Variants in DST observed in about 807,000 individuals in gnomAD.
DST encodes the protein dystonin.
A neutral mutation model predicts 875.2 loss-of-function variants in DST; 253 were observed. That is an observed-to-expected ratio of 0.29 (90% CI 0.26 to 0.32). The LOEUF is 0.32. DST is among the 10% of genes least tolerant of loss of function. DST has a pLI of 1.00. For synonymous variants in DST, 3,124 were observed against 3,197.1 expected, an observed-to-expected ratio of 0.98 and a Z score of 0.77; for missense variants, 8,287 against 9,111.6, an observed-to-expected ratio of 0.91 and a Z score of 3.68.
intron 9 of DST, chr6:56,692,238 C>T (rs1380090774): frequency 5.7e-6 from 2 of 353,370 alleles, no homozygotes; most frequent in African/African-American, 4.3e-5. Context: ...ACAATCAAAC[C>T]TGAGGCTACT....
chr6:56,622,648 A>G (rs2098701590), intron 36 of DST, among the ~76,000 whole-genome samples: 1 of 151,502 alleles, frequency 6.6e-6, no homozygotes, highest in Admixed American at 6.6e-5. Context: ...TACTAGAAAT[A>G]ATTTAGTCCA....
Position 56,608,225 on chromosome 6 carries a change from C to T in DST, c.6403G>A (p.Ala2135Thr), listed in dbSNP as rs1425211998. ...KQLGIIDNNT[A>T]SILKNITLPD... ...AGTGTTATATTTTTTAAAATTGATGCTGTGTTGTTGTCTATAATTCCTAGC... is the reference window on the plus strand; with the variant it reads ...AGTGTTATATTTTTTAAAATTGATGTTGTGTTGTTGTCTATAATTCCTAGC... The change falls in exon 40 of 104, where the codon GCA becomes ACA. Residue 2135 changes from alanine (A) to threonine (T), a missense_variant. By Grantham distance (58) the Ala-to-Thr change is moderately conservative (BLOSUM62 0). Transcript: ENST00000680361. The T allele has an allele frequency of 1.9e-6, 3 of 1,613,600 alleles. No individual in the cohort carries two copies. Among genetic ancestry groups the T allele is most frequent in the East Asian group, 2.2e-5 (1 of 44,874 alleles).
At chr6:56,738,285 T>C (rs1364320784) in intron 4 of DST, among the ~76,000 whole-genome samples, 2 of 152,218 alleles carry the variant, frequency 1.3e-5, no homozygotes, top group Non-Finnish European at 2.9e-5. Flanking sequence ...ACAGTAGAAG[T>C]AGTTTGCTAA....
intron 69 of DST, among the ~76,000 whole-genome samples, chr6:56,524,061 G>A (rs1372272688): frequency 6.6e-6 from 1 of 152,050 alleles, no homozygotes; most frequent in African/African-American, 2.4e-5. Flanking sequence ...TATATTTCAT[G>A]GATGTAGTTA....
At chr6:56,871,776 T>TAAAAAAAAAAAAAAAAAAAAAAAAGA in intron 3 of DST, 1 of 88,310 alleles carries the variant, frequency 1.1e-5, no homozygotes. Flanking sequence ...CAATTAAAAG[T>TAAAAAAAAAAAAAAAAAAAAAAAAGA]AAAAAAAAAA....
intron 3 of DST, among the ~76,000 whole-genome samples, chr6:56,882,113 A>T (rs1782505977): frequency 6.6e-6 from 1 of 152,216 alleles, no homozygotes; most frequent in African/African-American, 2.4e-5. Context: ...GAAGGAGAAA[A>T]GGCTCAAAGC....
intron 2 of DST, among the ~76,000 whole-genome samples, chr6:56,917,830 C>A (rs1802017760): frequency 6.6e-6 from 1 of 152,104 alleles, no homozygotes; most frequent in Non-Finnish European, 1.5e-5. Context: ...TCTCAATATG[C>A]TTTGGGTTTG....
rs77147261 is a variant in DST at position 56,775,754 on chromosome 6, G to A, written c.626-40465C>T. ...AATGGCCAAAGCTGGAATAATTTGA[G>A]CAACAAAACAAGTAGCATAACATTG... is the stretch of plus-strand genomic sequence containing the variant. On this transcript the variant is annotated intron_variant, in intron 4 of 103. Coordinates refer to ENST00000680361, the MANE Select transcript of DST (RefSeq NM_001374736.1). Among the ~76,000 whole-genome samples, 1,047 of 152,260 alleles carry A rather than the reference G, an allele frequency of 6.9e-3. 15 individuals are homozygous for A. Among genetic ancestry groups the A allele is most frequent in the African/African-American group, 0.024 (1,015 of 41,566 alleles).
intron 23 of DST, 71 bp from the exon 24 acceptor site, chr6:56,635,785 A>G (rs924483074): frequency 2.0e-6 from 3 of 1,531,880 alleles, no homozygotes; most frequent in South Asian, 2.2e-5. Context: ...TCACACTCCA[A>G]TACCAAGGTC....
chr6:56,805,387 T>G (rs189699220), intron 4 of DST, among the ~76,000 whole-genome samples: 265 of 152,276 alleles, frequency 1.7e-3, no homozygotes, highest in African/African-American at 5.3e-3. Flanking sequence ...TAACTGAAAT[T>G]TGAAGTTAAT....
At chr6:56,872,957 T>G (rs1167816726) in intron 3 of DST, among the ~76,000 whole-genome samples, 2 of 151,798 alleles carry the variant, frequency 1.3e-5, no homozygotes, top group Non-Finnish European at 2.9e-5. Flanking sequence ...TGTACTAAAC[T>G]TACATTCCTA....
At chr6:56,908,184 G>A (rs775182305) in intron 2 of DST, among the ~76,000 whole-genome samples, 4 of 151,750 alleles carry the variant, frequency 2.6e-5, no homozygotes, top group Non-Finnish European at 5.9e-5. Flanking sequence ...TTTACCATAT[G>A]TAAATATTAT....
chr6:56,731,738 C>T (rs1437444527), intron 5 of DST, among the ~76,000 whole-genome samples: 1 of 152,174 alleles, frequency 6.6e-6, no homozygotes, highest in Non-Finnish European at 1.5e-5. Flanking sequence ...CAACCTCTTG[C>T]AGTTATAACA....
rs757771661 is a variant in DST at position 56,635,582 on chromosome 6, T to C, written c.3186+7A>G. 1 of 1,613,860 alleles carries C rather than the reference T, an allele frequency of 6.2e-7. No homozygotes were observed. Among genetic ancestry groups the C allele is most frequent in the Non-Finnish European group, 8.5e-7 (1 of 1,179,832 alleles). On this transcript the variant is annotated splice_region_variant and intron_variant, in intron 24 of 103. Transcript: ENST00000680361. ...ACTTATAAAATGCATAGGTTTTGTA[T>C]TAGTACCATTGATTCCTGAACAAGG...
At chr6:56,583,188 T>A (rs1437766164) in intron 49 of DST, among the ~76,000 whole-genome samples, 1 of 152,204 alleles carries the variant, frequency 6.6e-6, no homozygotes, top group Non-Finnish European at 1.5e-5. Flanking sequence ...TCCACAATGG[T>A]TGAACTAGTT....
chr6:56,604,989 G>A lies in DST; in HGVS notation c.9639C>T (p.Pro3213=), dbSNP rs2152708824. 2 of 1,612,802 alleles carry A rather than the reference G, an allele frequency of 1.2e-6. No homozygotes were observed. Among genetic ancestry groups the A allele is most frequent in the East Asian group, 2.2e-5 (1 of 44,836 alleles). ...VPSHVLITAP[P]MKEHLQLGVN... ...CTCCTAATTGTAAATGTTCTTTCAT[G>A]GGAGGGGCAGTTATTAAAACATGGC... is the stretch of plus-strand genomic sequence containing the variant. The change falls in exon 40 of 104, where the codon CCC becomes CCT. Residue 3213 remains proline (P), a synonymous_variant. Transcript: ENST00000680361.
intron 49 of DST, among the ~76,000 whole-genome samples, chr6:56,581,586 A>T (rs927676400): frequency 6.6e-6 from 1 of 152,244 alleles, no homozygotes; most frequent in Non-Finnish European, 1.5e-5. Context: ...TACGTCTTCC[A>T]GAAGTTTGAC....
At chr6:56,825,198 C>T (rs1459202137) in intron 4 of DST, among the ~76,000 whole-genome samples, 7 of 149,370 alleles carry the variant, frequency 4.7e-5, no homozygotes, top group Middle Eastern at 3.4e-3. Context: ...TGTGACCTTA[C>T]CCCCAACCCT....
chr6:56,616,589 G>C, intron 36 of DST: 1 of 1,614,136 alleles, frequency 6.2e-7, no homozygotes, highest in Non-Finnish European at 8.5e-7. Context: ...ATTGGGATTA[G>C]GGAAAACTCT....
Sources: gnomAD v4.1 joint callset for allele counts (sites outside exome capture counted in the v4.1 genomes callset) on GRCh38, gnomAD v4.1.1 for gene constraint, MANE v1.5 for transcripts, NCBI Gene and HGNC (gene_info 2026-07-23, HGNC 2026-07-21) for gene names.